Variants in SLC9B1 observed in about 807,000 individuals in gnomAD.
The protein encoded by SLC9B1 is sodium/hydrogen exchanger 9B1.
Under a neutral mutation model 51.7 loss-of-function variants are expected in SLC9B1, and 32 were observed. The ratio of observed to expected loss-of-function variants is 0.62; its 90% CI spans 0.47 to 0.83. The LOEUF (loss-of-function observed/expected upper bound fraction) is 0.83. Ranked by LOEUF, SLC9B1 falls within the 40% of genes least tolerant of loss-of-function variation. The pLI is 0.00. For missense variants in SLC9B1, 406 were observed against 613.2 expected (o/e 0.66, Z 3.57); for synonymous variants, 145 against 212.7 (o/e 0.68, Z 2.77).
intron 7 of SLC9B1, among the ~76,000 whole-genome samples, chr4:102,917,365 G>A (rs1472777338): frequency 1.3e-5 from 2 of 151,762 alleles, no homozygotes; most frequent in Non-Finnish European, 2.9e-5. Context: ...GTAATTATGT[G>A]AGCCAATTCT....
At chr4:102,968,403 T>C (rs1738545752) in intron 3 of SLC9B1, among the ~76,000 whole-genome samples, 1 of 152,188 alleles carries the variant, frequency 6.6e-6, no homozygotes, top group Non-Finnish European at 1.5e-5. Context: ...GAAAAAAATA[T>C]AGGAGAAAAT....
At chr4:102,937,723 C>CAAAAAAAAA (rs35545999) in intron 6 of SLC9B1, among the ~76,000 whole-genome samples, 2 of 56,836 alleles carry the variant, frequency 3.5e-5, no homozygotes, top group African/African-American at 1.2e-4. Flanking sequence ...ACTCTGTCGC[C>CAAAAAAAAA]AAAAAAAAAA....
chr4:102,900,233 A>C (rs568505473), downstream of SLC9B1, among the ~76,000 whole-genome samples: 26 of 152,216 alleles, frequency 1.7e-4, no homozygotes, highest in Non-Finnish European at 3.2e-4. Context: ...TATGACTCTT[A>C]TAACTTTAAA....
intron 7 of SLC9B1, among the ~76,000 whole-genome samples, chr4:102,916,723 A>C (rs1293200803): frequency 6.6e-6 from 1 of 152,280 alleles, no homozygotes; most frequent in African/African-American, 2.4e-5. Flanking sequence ...AACTGAACTC[A>C]TACCAAGTAT....
At chr4:102,919,797 C>T (rs554753401) in intron 7 of SLC9B1, among the ~76,000 whole-genome samples, 1 of 152,244 alleles carries the variant, frequency 6.6e-6, no homozygotes, top group African/African-American at 2.4e-5. Flanking sequence ...TGGAGCCTTG[C>T]TCACTACTAG....
intron 7 of SLC9B1, among the ~76,000 whole-genome samples, chr4:102,913,675 C>T (rs1437248174): frequency 6.6e-6 from 1 of 151,370 alleles, no homozygotes; most frequent in Non-Finnish European, 1.5e-5. Flanking sequence ...AAATGAGTTA[C>T]CTGACAAAGA....
In SLC9B1 at chr4:102,963,468, G is replaced by A. The variant is rs542236186; in HGVS notation, c.212-14041C>T. The A allele has an allele frequency of 3.5e-5, 6 of 169,450 alleles. No individual in the cohort carries two copies. In the South Asian group the frequency reaches 5.7e-4, roughly 16 times the overall value. 10.5% of individuals were successfully genotyped at this position (169,450 alleles called of 1,614,324 possible). On this transcript the variant is annotated intron_variant, in intron 3 of 11. Coordinates refer to ENST00000296422, the MANE Select transcript of SLC9B1 (RefSeq NM_139173.4). ...ATGCTTGCATCACCTAGTGCATGAGGCACAGGGCAGAGTCATTTCAGTAAA... is the reference window on the plus strand; with the variant it reads ...ATGCTTGCATCACCTAGTGCATGAGACACAGGGCAGAGTCATTTCAGTAAA...
rs1735066929 is a variant in SLC9B1 at position 102,906,591 on chromosome 4, A to T, written c.1140T>A (p.Leu380=). The part of the protein sequence containing the change: ...TTVWDIFQPL[L]FGLVGAEVSV... The stretch of plus-strand genomic sequence containing the variant: ...ATACTTCTGCTCCAACTAAACCAAA[A>T]AGAAGTGGTTGAAAAATATCCCATA... The change falls in exon 10 of 12, where the codon CTT becomes CTA. Residue 380 remains leucine, a synonymous_variant. Transcript: ENST00000296422. The T allele has an allele frequency of 6.3e-7, 1 of 1,591,384 alleles. No individual in the cohort carries two copies. The highest frequency in any genetic ancestry group is 1.3e-5 in the African/African-American group (1 of 74,720).
intron 7 of SLC9B1, among the ~76,000 whole-genome samples, chr4:102,923,980 C>A (rs1578350493): frequency 1.3e-5 from 2 of 152,220 alleles, no homozygotes; most frequent in East Asian, 3.9e-4. Context: ...GGCCATATTG[C>A]CAAAGGTAAT....
rs549471731 is a variant in SLC9B1 at position 103,019,595 on chromosome 4, G to A, written c.-2+4C>T. 34 of 985,376 alleles carry A rather than the reference G, an allele frequency of 3.5e-5. No homozygotes were observed. The highest frequency in any genetic ancestry group is 4.1e-5 in the Non-Finnish European group (34 of 829,976). 61.0% of individuals were successfully genotyped at this position (985,376 alleles called of 1,614,324 possible). On this transcript the variant is annotated splice_donor_region_variant and intron_variant, in intron 1 of 11. Transcript: ENST00000296422. ...AGGGCGGCGTTAAGAAAAATGGGCC[G>A]TACCTACAACTTCTTTCGCAGCCCT...
At chr4:102,917,429 G>GTATCTATATCTA (rs70941638) in intron 7 of SLC9B1, among the ~76,000 whole-genome samples, 5,035 of 139,364 alleles carry the variant, frequency 0.036, 111 homozygotes, top group Non-Finnish European at 0.052. Context: ...TTATATGCAT[G>GTATCTATATCTA]TATCTATATC....
At chr4:102,992,405 G>T (rs1739989983) in intron 1 of SLC9B1, among the ~76,000 whole-genome samples, 1 of 152,010 alleles carries the variant, frequency 6.6e-6, no homozygotes, top group Non-Finnish European at 1.5e-5. Flanking sequence ...CAAAACTAAA[G>T]ATTTCAAGTT....
chr4:103,005,319 C>T (rs1740727435), intron 1 of SLC9B1, among the ~76,000 whole-genome samples: 4 of 143,742 alleles, frequency 2.8e-5, no homozygotes, highest in Admixed American at 2.7e-4. Context: ...TCAGACAAAA[C>T]AGACTTTAAA....
chr4:102,915,733 A>G (rs1460558113), intron 7 of SLC9B1, among the ~76,000 whole-genome samples: 5 of 152,232 alleles, frequency 3.3e-5, no homozygotes, highest in Non-Finnish European at 7.3e-5. Flanking sequence ...AAAGCATAAC[A>G]TTACTGTATT....
chr4:102,962,941 T>C (rs1339569389), intron 3 of SLC9B1: 1 of 464,270 alleles, frequency 2.2e-6, no homozygotes, highest in African/African-American at 2.0e-5. Flanking sequence ...ACCCAGAGTT[T>C]GCCAACCCAG....
rs902795327 is a variant in SLC9B1, at chr4:102,974,497, G to C, written c.211+15303C>G. Among the ~76,000 whole-genome samples, 11 of 152,122 alleles carry C rather than the reference G, an allele frequency of 7.2e-5. 1 individual carries two copies. In the East Asian group the frequency reaches 1.7e-3, roughly 24 times the overall value. On this transcript the variant is annotated intron_variant, in intron 3 of 11. Coordinates refer to ENST00000296422, the MANE Select transcript of SLC9B1 (RefSeq NM_139173.4). ...AAATGAAATGTAACATAAAATATGAGTGAAAAAATAAAGTGAATACTATAA... is the reference window on the plus strand; with the variant it reads ...AAATGAAATGTAACATAAAATATGACTGAAAAAATAAAGTGAATACTATAA...
chr4:102,922,184 A>G (rs1442993583), intron 7 of SLC9B1, among the ~76,000 whole-genome samples: 1 of 152,246 alleles, frequency 6.6e-6, no homozygotes, highest in Non-Finnish European at 1.5e-5. Context: ...CAGCAAATGT[A>G]AAAGAACAGA....
intron 7 of SLC9B1, among the ~76,000 whole-genome samples, chr4:102,915,014 A>AG (rs1735512066): frequency 6.6e-6 from 1 of 152,224 alleles, no homozygotes; most frequent in South Asian, 2.1e-4. Context: ...TTCACATACA[A>AG]GGGAGATGCC....
At chr4:102,951,003 CAAAACAAAACAAAACAG>C (rs1244677831) in intron 3 of SLC9B1, among the ~76,000 whole-genome samples, 1 of 151,808 alleles carries the variant, frequency 6.6e-6, no homozygotes, top group South Asian at 2.1e-4. Flanking sequence ...CTCAAGAAAA[CAAAACAAAACAAAACAG>C]AAAACAAAAC....
Sources: gnomAD v4.1 joint callset for allele counts (sites outside exome capture counted in the v4.1 genomes callset) on GRCh38, gnomAD v4.1.1 for gene constraint, MANE v1.5 for transcripts, NCBI Gene and HGNC (gene_info 2026-07-23, HGNC 2026-07-21) for gene names.